Variants in PDGFRA observed in about 807,000 individuals in gnomAD.
PDGFRA encodes platelet-derived growth factor receptor alpha.
PDGFRA carries 25 observed loss-of-function variants against 121.5 expected under a neutral mutation model. The ratio of observed to expected loss-of-function variants is 0.21; its 90% CI spans 0.15 to 0.29. The LOEUF (loss-of-function observed/expected upper bound fraction) is 0.29. PDGFRA is among the 10% of genes least tolerant of loss of function. The pLI is 1.00. For synonymous variants in PDGFRA, 463 were observed against 494.8 expected, an observed-to-expected ratio of 0.94 and a Z score of 0.85; for missense variants, 1,008 against 1,345.1, an observed-to-expected ratio of 0.75 and a Z score of 3.92.
chr4:54,276,986 G>C (rs1421155496), intron 12 of PDGFRA, among the ~76,000 whole-genome samples: 1 of 152,170 alleles, frequency 6.6e-6, no homozygotes, highest in Non-Finnish European at 1.5e-5. Flanking sequence ...CCAGTGGCTA[G>C]TAATTTACTA....
At chr4:54,241,703 C>A (rs1481795287) in intron 1 of PDGFRA, among the ~76,000 whole-genome samples, 2 of 151,980 alleles carry the variant, frequency 1.3e-5, no homozygotes, top group Non-Finnish European at 2.9e-5. Flanking sequence ...GCATGCACCA[C>A]CACACCTGGC....
chr4:54,258,689 A>G (rs1455420336), intron 1 of PDGFRA, 68 bp from the exon 2 acceptor site: 2 of 951,638 alleles, frequency 2.1e-6, no homozygotes, highest in Admixed American at 3.4e-5. Context: ...GCAAAACACA[A>G]AGAGAACTAG....
chr4:54,254,832 C>T (rs1482808353), intron 1 of PDGFRA, among the ~76,000 whole-genome samples: 3 of 152,166 alleles, frequency 2.0e-5, no homozygotes, highest in African/African-American at 4.8e-5. Flanking sequence ...TCCTCAGAAG[C>T]GATCAGCCAG....
At chr4:54,271,525 C>A (rs548542704) in intron 8 of PDGFRA, among the ~76,000 whole-genome samples, 10 of 152,120 alleles carry the variant, frequency 6.6e-5, no homozygotes, top group African/African-American at 2.2e-4. Context: ...GCCAAATAAC[C>A]AAGGGACTTT....
At chr4:54,272,633 T>C (rs535356574) in intron 9 of PDGFRA, 113 bp downstream of exon 9, 2 of 1,180,814 alleles carry the variant, frequency 1.7e-6, no homozygotes, top group African/African-American at 3.0e-5. Flanking sequence ...TTGGGTGTGA[T>C]AGCTTCAGGG....
rs1184086495 is a variant in PDGFRA, at chr4:54,261,926, TA to T, written c.367+515del. Among the ~76,000 whole-genome samples, 712 of 75,618 alleles carry T rather than the reference TA, an allele frequency of 9.4e-3. 6 individuals carry two copies. The highest frequency in any genetic ancestry group is 0.03 in the African/African-American group (559 of 18,788). The allele number at this position is 75,618 out of a possible 152,430, so 49.6% of individuals were successfully genotyped here. On this transcript the variant is annotated intron_variant, in intron 3 of 22. Coordinates refer to ENST00000257290, the MANE Select transcript of PDGFRA (RefSeq NM_006206.6). ...ATATATATATATATATATATATATA[TA>T]TATATTTTTTTTTTTTTTGGTAACA... is the stretch of plus-strand genomic sequence containing the variant.
In PDGFRA at chr4:54,290,432, G is replaced by A. The variant is rs2110348594; in HGVS notation, c.3000G>A (p.Leu1000=). 6.2e-7 allele frequency: 1 copy of A among 1,614,156 alleles called. No homozygotes were observed. The highest frequency in any genetic ancestry group is 1.3e-5 in the African/African-American group (1 of 75,080). Reference sequence around the variant, plus strand: ...CCTACAAAAACGAGGAAGACAAGCTGAAGGACTGGGAGGGTGGTCTGGATG... The same window carrying A: ...CCTACAAAAACGAGGAAGACAAGCTAAAGGACTGGGAGGGTGGTCTGGATG... The part of the protein sequence containing the change: ...GVTYKNEEDK[L]KDWEGGLDEQ... The change falls in exon 22 of 23, where the codon CTG becomes CTA. Residue 1000 remains leucine, a synonymous_variant. Transcript: ENST00000257290.
At chr4:54,245,486 T>G (rs1242602780) in intron 1 of PDGFRA, among the ~76,000 whole-genome samples, 22 of 152,126 alleles carry the variant, frequency 1.4e-4, no homozygotes, top group Admixed American at 7.9e-4. Context: ...GAAGGAGAAA[T>G]AAAATACTTT....
intron 17 of PDGFRA, 133 bp from the exon 18 acceptor site, chr4:54,285,708 C>G (rs561580878): frequency 1.0e-5 from 10 of 984,644 alleles, no homozygotes; most frequent in African/African-American, 7.9e-5. Context: ...GAGTGAGAAC[C>G]TGGGAGAAGG....
intron 22 of PDGFRA, among the ~76,000 whole-genome samples, chr4:54,294,741 G>T (rs1337922036): frequency 1.3e-5 from 2 of 152,170 alleles, no homozygotes; most frequent in Non-Finnish European, 2.9e-5. Flanking sequence ...GCTTCCGGGA[G>T]AGCACCTGAT....
At chr4:54,230,876 A>G (rs971063812) in intron 1 of PDGFRA, among the ~76,000 whole-genome samples, 2 of 152,214 alleles carry the variant, frequency 1.3e-5, no homozygotes, top group Non-Finnish European at 2.9e-5. Context: ...GGCTGCGCCC[A>G]GGGAGCGGGC....
intron 2 of PDGFRA, among the ~76,000 whole-genome samples, chr4:54,259,939 T>A (rs1319810852): frequency 6.6e-6 from 1 of 151,926 alleles, no homozygotes; most frequent in East Asian, 1.9e-4. Flanking sequence ...TTATCTGTAC[T>A]CTGCTTACAC....
At chr4:54,250,275 T>G (rs534665788) in intron 1 of PDGFRA, among the ~76,000 whole-genome samples, 2 of 152,354 alleles carry the variant, frequency 1.3e-5, no homozygotes, top group South Asian at 4.1e-4. Flanking sequence ...TGGGATTCTA[T>G]TTTGTAATAT....
At position 54,291,357 on chromosome 4, in the gene PDGFRA, G is replaced by T. The variant is rs116120490; in HGVS notation, c.3122+803G>T. Reference sequence around the variant, plus strand: ...AACAGTTATTAAAAATAACTACAATGCCGTTATCTCACCCAAAACAGGGAC... The same window carrying T: ...AACAGTTATTAAAAATAACTACAATTCCGTTATCTCACCCAAAACAGGGAC... On this transcript the variant is annotated intron_variant, in intron 22 of 22. Transcript: ENST00000257290. 7.3e-3 allele frequency among the ~76,000 whole-genome samples: 1,114 copies of T among 152,284 alleles called. 16 individuals are homozygous for T. The highest frequency in any genetic ancestry group is 0.025 in the African/African-American group (1,044 of 41,550).
At chr4:54,257,128 C>T (rs1577699515) in intron 1 of PDGFRA, among the ~76,000 whole-genome samples, 1 of 152,318 alleles carries the variant, frequency 6.6e-6, no homozygotes, top group East Asian at 1.9e-4. Context: ...TCTGGTCATC[C>T]TCACTACCCA....
chr4:54,257,922 C>G (rs1722461787), intron 1 of PDGFRA, among the ~76,000 whole-genome samples: 1 of 152,208 alleles, frequency 6.6e-6, no homozygotes, highest in Admixed American at 6.5e-5. Context: ...ATTTCCGTCT[C>G]TTTCTCTACT....
Position 54,297,903 on chromosome 4 carries a change from C to T in PDGFRA, c.*2631C>T, listed in dbSNP as rs1218668344. The T allele has an allele frequency of 4.3e-6, 1 of 233,016 alleles. No homozygotes were observed. The highest frequency in any genetic ancestry group is 8.5e-6 in the Non-Finnish European group (1 of 117,766). 14.4% of individuals were successfully genotyped at this position (233,016 alleles called of 1,614,324 possible). A position where few individuals can be genotyped will look rare whatever the true frequency, so the allele number is the denominator to read the frequency against. On this transcript the variant is annotated 3_prime_UTR_variant, in exon 23 of 23. Coordinates refer to ENST00000257290, the MANE Select transcript of PDGFRA (RefSeq NM_006206.6). Reference sequence around the variant, plus strand: ...CATAAGATAAAATGATGTTATACATCAATATGTATATATGTATTTCTATAT... The same window carrying T: ...CATAAGATAAAATGATGTTATACATTAATATGTATATATGTATTTCTATAT...
In PDGFRA at chr4:54,263,704, T is replaced by A. The variant is rs766197882; in HGVS notation, c.405T>A (p.Asp135Glu). ...DVAFVPLGMT[D>E]YLVIVEDDDS... is the part of the protein sequence containing the mutation. ...CCTTTGTACCTCTAGGAATGACGGA[T>A]TATTTAGTCATCGTGGAGGATGATG... is the stretch of plus-strand genomic sequence containing the variant. Residue 135 changes from aspartate to glutamate, a missense_variant, in exon 4 of 23, where the codon GAT (aspartate) becomes GAA (glutamate). Physicochemically the swap from Asp to Glu is conservative, Grantham distance 45 (BLOSUM62 2). Coordinates refer to ENST00000257290, the MANE Select transcript of PDGFRA (RefSeq NM_006206.6). 1.1e-5 allele frequency: 17 copies of A among 1,613,910 alleles called. No homozygotes were observed. In the South Asian group the frequency reaches 1.4e-4, roughly 14 times the overall value.
chr4:54,272,581 T>C, intron 9 of PDGFRA, 61 bp downstream of exon 9: 1 of 1,561,472 alleles, frequency 6.4e-7, no homozygotes, highest in Non-Finnish European at 8.8e-7. Context: ...TTGACACAAA[T>C]GATGTCAAAT....
Sources: allele counts gnomAD v4.1 joint callset (sites outside exome capture counted in the v4.1 genomes callset), GRCh38; gene constraint gnomAD v4.1.1; transcripts MANE v1.5; gene names NCBI Gene and HGNC (gene_info 2026-07-23, HGNC 2026-07-21).